The following SPOCK1 variants were observed in gnomAD, a reference collection of about 807,000 sequenced individuals.
The protein encoded by SPOCK1 is SPARC (osteonectin), cwcv and kazal like domains proteoglycan 1.
In SPOCK1, 23 loss-of-function variants were observed where a neutral mutation model predicts 55.3. The ratio of observed to expected loss-of-function variants is 0.42; its 90% confidence interval spans 0.30 to 0.59. SPOCK1 has a LOEUF of 0.59. SPOCK1 is among the 20% of genes least tolerant of loss of function. SPOCK1 has a pLI of 0.22. For synonymous variants in SPOCK1, 226 were observed against 221.0 expected (o/e 1.02, Z -0.20); for missense variants, 499 against 552.5 (o/e 0.90, Z 0.97).
chr5:137,254,763 G>C (rs1022818312), intron 3 of SPOCK1, among the ~76,000 whole-genome samples: 2 of 152,220 alleles, frequency 1.3e-5, no homozygotes, highest in Non-Finnish European at 2.9e-5. Context: ...TTAGCATGGA[G>C]GAAGGTAACT....
At chr5:137,157,157 T>A (rs1443264527) in intron 3 of SPOCK1, among the ~76,000 whole-genome samples, 1 of 152,080 alleles carries the variant, frequency 6.6e-6, no homozygotes, top group South Asian at 2.1e-4. Context: ...GGCACTGGTG[T>A]TTGCACTACC....
intron 2 of SPOCK1, among the ~76,000 whole-genome samples, chr5:137,435,044 T>A (rs1355199630): frequency 6.6e-6 from 1 of 152,226 alleles, no homozygotes; most frequent in African/African-American, 2.4e-5. Flanking sequence ...TTACTTCCAA[T>A]GTCATTTCTA....
chr5:137,007,328 G>GA (rs375102567), intron 6 of SPOCK1, among the ~76,000 whole-genome samples: 2,241 of 145,246 alleles, frequency 0.015, 49 homozygotes, highest in African/African-American at 0.051. Flanking sequence ...GCTCAGCAAA[G>GA]AAAAAAAAAA....
At chr5:137,361,316 C>T (rs1750938126) in intron 2 of SPOCK1, among the ~76,000 whole-genome samples, 1 of 152,212 alleles carries the variant, frequency 6.6e-6, no homozygotes, top group Non-Finnish European at 1.5e-5. Context: ...GATTAATTAT[C>T]TCTCTATATG....
intron 2 of SPOCK1, among the ~76,000 whole-genome samples, chr5:137,436,282 T>C (rs796650225): frequency 3.7e-4 from 56 of 152,344 alleles, no homozygotes; most frequent in African/African-American, 1.2e-3. Flanking sequence ...TCATTTTTTA[T>C]TATTAAAATT....
intron 6 of SPOCK1, among the ~76,000 whole-genome samples, chr5:137,056,263 G>C (rs895694120): frequency 6.6e-6 from 1 of 152,226 alleles, no homozygotes; most frequent in Admixed American, 6.5e-5. Flanking sequence ...ACAACCATGT[G>C]GGGGTGGGGG....
rs548222467 is a variant in SPOCK1 at position 137,391,835 on chromosome 5, T to C, written c.186+106538A>G. Among the ~76,000 whole-genome samples the C allele has an allele frequency of 5.3e-5, 8 of 152,266 alleles. No homozygotes were observed. The South Asian group carries it at 1.7e-3, about 32-fold the overall frequency. ...GTCTCTACAGCACAGCCTTCTCCCCTAGCCCTGCTGCCCAAAACAAAGGTC... is the reference window on the plus strand; with the variant it reads ...GTCTCTACAGCACAGCCTTCTCCCCCAGCCCTGCTGCCCAAAACAAAGGTC... On this transcript the variant is annotated intron_variant, in intron 2 of 10. Transcript: ENST00000394945.
In SPOCK1 at chr5:136,988,545, T is replaced by G; in HGVS notation, c.805A>C (p.Ile269Leu). The change falls in exon 8 of 11, where the codon ATC becomes CTC. Residue 269 changes from isoleucine to leucine, a missense_variant. Coordinates refer to ENST00000394945, the MANE Select transcript of SPOCK1 (RefSeq NM_004598.4). ...NYDLLLDPSE[I>L]NAIYLDKYEP... Reference sequence around the variant, plus strand: ...TACTTATCCAGGTAGATGGCATTGATCTCTGAAGGGTCAAGCAGGAGGTCA... The same window carrying G: ...TACTTATCCAGGTAGATGGCATTGAGCTCTGAAGGGTCAAGCAGGAGGTCA... The G allele has an allele frequency of 6.2e-7, 1 of 1,614,124 alleles. No individual in the cohort carries two copies.
chr5:137,147,999 C>A (rs1028591214), intron 3 of SPOCK1, among the ~76,000 whole-genome samples: 146 of 152,338 alleles, frequency 9.6e-4, no homozygotes, highest in African/African-American at 2.9e-3. Context: ...ACCAGACCTG[C>A]CTTCTTCCAA....
intron 2 of SPOCK1, among the ~76,000 whole-genome samples, chr5:137,323,366 G>A (rs1439681100): frequency 6.6e-6 from 1 of 152,104 alleles, no homozygotes; most frequent in Middle Eastern, 3.2e-3. Context: ...GGAGAACAGG[G>A]TGGTCATATG....
intron 2 of SPOCK1, among the ~76,000 whole-genome samples, chr5:137,367,016 G>A (rs1386541488): frequency 1.3e-5 from 2 of 152,224 alleles, no homozygotes; most frequent in Admixed American, 6.5e-5. Context: ...TGTGACAACT[G>A]AGTCAAATGG....
At chr5:137,053,523 G>A (rs1752248095) in intron 6 of SPOCK1, among the ~76,000 whole-genome samples, 1 of 152,124 alleles carries the variant, frequency 6.6e-6, no homozygotes, top group Non-Finnish European at 1.5e-5. Flanking sequence ...AGTTAACAGT[G>A]GCATAAATTC....
At chr5:137,492,267 C>T (rs866979838) in intron 2 of SPOCK1, among the ~76,000 whole-genome samples, 7 of 152,162 alleles carry the variant, frequency 4.6e-5, no homozygotes, top group African/African-American at 1.7e-4. Context: ...GGAATGGGTG[C>T]CTAACGCCGG....
chr5:137,034,527 C>A lies in SPOCK1; in HGVS notation c.589+33188G>T, dbSNP rs534067288. Among the ~76,000 whole-genome samples the A allele has an allele frequency of 6.6e-5, 10 of 152,278 alleles. No individual in the cohort carries two copies. The East Asian group carries it at 1.9e-3, about 29-fold the overall frequency. On this transcript the variant is annotated intron_variant, in intron 6 of 10. Coordinates refer to ENST00000394945, the MANE Select transcript of SPOCK1 (RefSeq NM_004598.4). ...GACGGTGCACTCACTGTATTCCAAG[C>A]CCTATATAAAATATTTCACAGACAT...
intron 3 of SPOCK1, among the ~76,000 whole-genome samples, chr5:137,160,599 T>TAA (rs1754523846): frequency 1.8e-4 from 13 of 70,960 alleles, no homozygotes; most frequent in East Asian, 5.2e-4. Context: ...ATATAATATA[T>TAA]TATATATAAT....
At chr5:137,355,610 G>A (rs559674802) in intron 2 of SPOCK1, among the ~76,000 whole-genome samples, 2 of 152,278 alleles carry the variant, frequency 1.3e-5, no homozygotes, top group South Asian at 2.1e-4. Context: ...TGGGCACCAT[G>A]AGTGTTTGCA....
intron 2 of SPOCK1, among the ~76,000 whole-genome samples, chr5:137,326,209 A>G (rs1758074273): frequency 6.6e-6 from 1 of 152,018 alleles, no homozygotes; most frequent in Admixed American, 6.6e-5. Context: ...ACCCCTCCCA[A>G]TTGACAGATG....
intron 5 of SPOCK1, among the ~76,000 whole-genome samples, chr5:137,073,408 G>GA (rs1752654118): frequency 1.3e-5 from 2 of 152,180 alleles, no homozygotes; most frequent in Admixed American, 1.3e-4. Flanking sequence ...GAGGGTCAAG[G>GA]AAAAAGGAAG....
At chr5:137,295,611 T>G (rs1318060295) in intron 2 of SPOCK1, among the ~76,000 whole-genome samples, 1 of 152,144 alleles carries the variant, frequency 6.6e-6, no homozygotes, top group Non-Finnish European at 1.5e-5. Flanking sequence ...GCCACGTGAC[T>G]TTTTCCCCCA....
Sources: gnomAD v4.1 joint callset for allele counts (sites outside exome capture counted in the v4.1 genomes callset) on GRCh38, gnomAD v4.1.1 for gene constraint, MANE v1.5 for transcripts, NCBI Gene and HGNC (gene_info 2026-07-23, HGNC 2026-07-21) for gene names.